Variants in KRT32 observed in about 807,000 individuals in gnomAD.
The protein encoded by KRT32 is keratin, type I cuticular Ha2.
KRT32 carries 44 observed loss-of-function variants against 41.8 expected under a neutral mutation model. That is an observed-to-expected ratio of 1.05 (90% confidence interval 0.83 to 1.35). The LOEUF is 1.35. Ranked by LOEUF, KRT32 falls within the 40% of genes most tolerant of loss-of-function variation. The pLI is 0.00. For missense variants in KRT32, 576 were observed against 584.6 expected, an observed-to-expected ratio of 0.99 and a Z score of 0.15; for synonymous variants, 238 against 242.5, an observed-to-expected ratio of 0.98 and a Z score of 0.17.
At position 41,462,966 on chromosome 17, in the gene KRT32, C is replaced by T. The variant is rs1175242050; in HGVS notation, c.1081G>A (p.Val361Ile). 2 of 1,614,058 alleles carry T rather than the reference C, an allele frequency of 1.2e-6. No individual in the cohort carries two copies. The highest frequency in any genetic ancestry group is 1.7e-6 in the Non-Finnish European group (2 of 1,179,938). ...LAQMQCMITN[V>I]EAQLAEIRAD... is the part of the protein sequence containing the mutation. Reference sequence around the variant, plus strand: ...CGGATCTCAGCCAGCTGGGCCTCAACGTTGGTGATCATGCACTGCATCTGG... The same window carrying T: ...CGGATCTCAGCCAGCTGGGCCTCAATGTTGGTGATCATGCACTGCATCTGG... Residue 361 changes from valine (V) to isoleucine (I), a missense_variant, in exon 6 of 7, where the codon GTT (valine) becomes ATT (isoleucine). Coordinates refer to ENST00000225899, the MANE Select transcript of KRT32 (RefSeq NM_002278.3).
At chr17:41,466,708 C>T in intron 1 of KRT32, 150 bp downstream of exon 1, 4 of 625,506 alleles carry the variant, frequency 6.4e-6, no homozygotes, top group Non-Finnish European at 8.3e-6. Flanking sequence ...AAGCCTCAGG[C>T]TGAGTGCTCA....
In KRT32 at chr17:41,460,046, G is replaced by A. The variant is rs2018983336; in HGVS notation, c.*64C>T. The A allele has an allele frequency of 2.0e-6, 3 of 1,516,396 alleles. No individual in the cohort carries two copies. Among genetic ancestry groups the A allele is most frequent in the African/African-American group, 1.4e-5 (1 of 71,828 alleles). The allele number at this position is 1,516,396 out of a possible 1,614,324, so 93.9% of individuals were successfully genotyped here. A position where few individuals can be genotyped will look rare whatever the true frequency, so the allele number is the denominator to read the frequency against. ...GACCGGGGCTGGCCCTGCTCTTCTG[G>A]TGGCCACTGAATACCAGGCTGCCCA... is the stretch of plus-strand genomic sequence containing the variant. On this transcript the variant is annotated 3_prime_UTR_variant, in exon 7 of 7. Transcript: ENST00000225899.
intron 5 of KRT32, among the ~76,000 whole-genome samples, chr17:41,463,706 C>A (rs1239261793): frequency 2.0e-4 from 29 of 145,326 alleles, no homozygotes; most frequent in African/African-American, 3.0e-4. Context: ...GACTCCATCT[C>A]AAAAAAAAAA....
intron 5 of KRT32, among the ~76,000 whole-genome samples, chr17:41,463,433 A>G (rs1849206922): frequency 6.6e-6 from 1 of 152,374 alleles, no homozygotes; most frequent in South Asian, 2.1e-4. Flanking sequence ...GGCCGGTCAC[A>G]GTAGCTCATG....
In KRT32 at chr17:41,459,594, C is replaced by T. The variant is rs141785534; in HGVS notation, c.*516G>A. On this transcript the variant is annotated 3_prime_UTR_variant, in exon 7 of 7. Transcript: ENST00000225899. ...AGGTTTCTGGCATAATTATCTCCCT[C>T]CTCTCTTTATTCTTTTATTACTTGG... 2.0e-4 allele frequency among the ~76,000 whole-genome samples: 31 copies of T among 152,320 alleles called. No individual in the cohort carries two copies. Among genetic ancestry groups the T allele is most frequent in the African/African-American group, 7.2e-4 (30 of 41,574 alleles).
At position 41,459,646 on chromosome 17, in the gene KRT32, T is replaced by C. The variant is rs1175441934; in HGVS notation, c.*464A>G. Reference sequence around the variant, plus strand: ...TCTAGAGTAATTGATTAGTTTTAACTGGTTTATGGCATGCGGGCCCTTTTA... The same window carrying C: ...TCTAGAGTAATTGATTAGTTTTAACCGGTTTATGGCATGCGGGCCCTTTTA... On this transcript the variant is annotated 3_prime_UTR_variant, in exon 7 of 7. Coordinates refer to ENST00000225899, the MANE Select transcript of KRT32 (RefSeq NM_002278.3). Among the ~76,000 whole-genome samples, 11 of 152,220 alleles carry C rather than the reference T, an allele frequency of 7.2e-5. No homozygotes were observed. The highest frequency in any genetic ancestry group is 7.2e-4 in the Admixed American group (11 of 15,290).
Position 41,462,836 on chromosome 17 carries a change from T to C in KRT32, c.1211A>G (p.Asp404Gly). The C allele has an allele frequency of 5.6e-6, 9 of 1,613,210 alleles. No individual in the cohort carries two copies. Among genetic ancestry groups the C allele is most frequent in the Middle Eastern group, 1.8e-4 (1 of 5,476 alleles). ...CTCAGCTGGGCCTGCGTACTTGCAG[T>C]CCTCGTTCTCCAGCAGGCTCCGGTA... The part of the protein sequence containing the change: ...NTYRSLLENE[D>G]CKLPCNPCST... The change falls in exon 6 of 7, where the codon GAC becomes GGC. Residue 404 changes from aspartate to glycine, a missense_variant. Physicochemically the swap from Asp to Gly is moderately conservative, Grantham distance 94. Transcript: ENST00000225899.
Position 41,464,310 on chromosome 17 carries a change from C to T in KRT32, c.842G>A (p.Arg281Lys), listed in dbSNP as rs2019042350. 1.9e-6 allele frequency: 3 copies of T among 1,608,596 alleles called. No homozygotes were observed. The East Asian group carries it at 6.7e-5, about 36-fold the overall frequency. ...QYEAMVEANR[R>K]DVEEWFNMQM... ...CATATTGAACCATTCCTCCACGTCC[C>T]TGCGGTTGGCCTCCACCATGGCCTC... is the stretch of plus-strand genomic sequence containing the variant. The change falls in exon 4 of 7, where the codon AGG (arginine) becomes AAG (lysine). Residue 281 changes from arginine to lysine, a missense_variant. Transcript: ENST00000225899.
At chr17:41,465,279 T>C (rs2019054012) in intron 3 of KRT32, among the ~76,000 whole-genome samples, 1 of 152,124 alleles carries the variant, frequency 6.6e-6, no homozygotes, top group African/African-American at 2.4e-5. Flanking sequence ...ACTGCAGCTG[T>C]ACTCCCTCTC....
chr17:41,465,248 TA>T (rs1027986260), intron 3 of KRT32, among the ~76,000 whole-genome samples: 8 of 151,884 alleles, frequency 5.3e-5, no homozygotes, highest in Non-Finnish European at 7.4e-5. Flanking sequence ...AAAATAAGGA[TA>T]GGGGCAAAAA....
In KRT32 at chr17:41,467,245, G is replaced by A. The variant is rs139913669; in HGVS notation, c.81C>T (p.Ser27=). 79 of 1,613,664 alleles carry A rather than the reference G, an allele frequency of 4.9e-5. No individual in the cohort carries two copies. Among genetic ancestry groups the A allele is most frequent in the Middle Eastern group, 3.3e-4 (2 of 6,082 alleles). Residue 27 remains serine, a synonymous_variant, in exon 1 of 7, where the codon AGC becomes AGT. Transcript: ENST00000225899. The stretch of plus-strand genomic sequence containing the variant: ...ACAGCTCAGGCCGGCAGTTCACGCC[G>A]CTGGAACAGACCGAGGCAGGCCGGG... ...SCPRPASVCS[S]GVNCRPELCL... is the part of the protein sequence containing the mutation.
chr17:41,467,221 C>A lies in KRT32; in HGVS notation c.105G>T (p.Leu35=), dbSNP rs956366106. ...CSSGVNCRPE[L]CLGYVCQPMA... ...TGGGCTGGCAGACATAGCCCAGGCA[C>A]AGCTCAGGCCGGCAGTTCACGCCGC... Residue 35 remains leucine, a synonymous_variant, in exon 1 of 7, where the codon CTG becomes CTT. Transcript: ENST00000225899. 6 of 1,613,832 alleles carry A rather than the reference C, an allele frequency of 3.7e-6. No homozygotes were observed. The highest frequency in any genetic ancestry group is 5.1e-6 in the Non-Finnish European group (6 of 1,180,032).
intron 2 of KRT32, 75 bp from the exon 3 acceptor site, chr17:41,466,004 C>G: frequency 1.9e-6 from 3 of 1,601,730 alleles, no homozygotes; most frequent in Non-Finnish European, 2.6e-6. Context: ...ACTGCCGGCA[C>G]TTTCCAACCC....
rs539204747 is a variant in KRT32 at position 41,466,017 on chromosome 17, C to T, written c.551+77G>A. 3.4e-5 allele frequency: 54 copies of T among 1,601,664 alleles called. No homozygotes were observed. The South Asian group carries it at 4.1e-4, about 12-fold the overall frequency. ...AAACTGCCGGCACTTTCCAACCCTC[C>T]GTGAAACTAATGGAAAGTTGCCCCA... On this transcript the variant is annotated intron_variant, in intron 2 of 6. Coordinates refer to ENST00000225899, the MANE Select transcript of KRT32 (RefSeq NM_002278.3).
Position 41,466,838 on chromosome 17 carries a change from C to A in KRT32, c.468+20G>T. ...CAGTTCCCTTCCCAGAGAGCCTATT[C>A]ACCTCACCGCTGCCCTCACCTTCTG... On this transcript the variant is annotated intron_variant, in intron 1 of 6. Transcript: ENST00000225899. The A allele has an allele frequency of 6.4e-7, 1 of 1,562,836 alleles. No homozygotes were observed. The highest frequency in any genetic ancestry group is 1.7e-5 in the Admixed American group (1 of 58,228).
At chr17:41,465,349 G>T (rs188742612) in intron 3 of KRT32, among the ~76,000 whole-genome samples, 3 of 152,198 alleles carry the variant, frequency 2.0e-5, no homozygotes, top group Admixed American at 1.3e-4. Flanking sequence ...GCCATTCAAC[G>T]TGAGATCTGG....
chr17:41,465,536 C>T (rs567951117), intron 3 of KRT32, among the ~76,000 whole-genome samples: 1 of 152,250 alleles, frequency 6.6e-6, no homozygotes, highest in African/African-American at 2.4e-5. Flanking sequence ...CATACCCATG[C>T]CTTGGGGATT....
rs149779504 is a variant in KRT32 at position 41,466,956 on chromosome 17, G to T, written c.370C>A (p.Leu124Met). The change falls in exon 1 of 7, where the codon CTG becomes ATG. Residue 124 changes from leucine (L) to methionine (M), a missense_variant. Physicochemically the swap from Leu to Met is conservative, Grantham distance 15 (BLOSUM62 2). Transcript: ENST00000225899. Reference protein sequence around the residue: ...VRQLEQENAELESRIQEASHS... With the variant: ...VRQLEQENAEMESRIQEASHS... ...GAGGCCTCTTGGATCCTGCTCTCCA[G>T]CTCCGCATTCTCCTGCTCCAGCTGC... 1,783 of 1,614,222 alleles carry T rather than the reference G, an allele frequency of 1.1e-3. 2 individuals carry two copies. The highest frequency in any genetic ancestry group is 1.4e-3 in the Non-Finnish European group (1,678 of 1,180,050).
chr17:41,461,362 G>A (rs934759818), intron 6 of KRT32, among the ~76,000 whole-genome samples: 1 of 152,180 alleles, frequency 6.6e-6, no homozygotes, highest in East Asian at 1.9e-4. Context: ...GAAAAAGGAT[G>A]ATCTCAGAGA....
Sources: gnomAD v4.1 joint callset for allele counts (sites outside exome capture counted in the v4.1 genomes callset) on GRCh38, gnomAD v4.1.1 for gene constraint, MANE v1.5 for transcripts, NCBI Gene and HGNC (gene_info 2026-07-23, HGNC 2026-07-21) for gene names.